The following CDH10 variants were observed in gnomAD, a reference collection of about 807,000 sequenced individuals.
CDH10 encodes the protein cadherin 10, also known as cadherin-10.
In CDH10, 30 loss-of-function variants were observed where a neutral mutation model predicts 73.1. That is an observed-to-expected ratio of 0.41 (90% CI 0.31 to 0.56). The LOEUF (loss-of-function observed/expected upper bound fraction) is 0.56. Ranked by LOEUF, CDH10 falls within the 20% of genes least tolerant of loss-of-function variation. The pLI, the probability that CDH10 is intolerant of heterozygous loss-of-function variation, is 0.27. For synonymous variants in CDH10, 345 were observed against 348.2 expected (o/e 0.99, Z 0.10); for missense variants, 815 against 973.7 (o/e 0.84, Z 2.17).
intron 2 of CDH10, among the ~76,000 whole-genome samples, chr5:24,567,163 C>A (rs1745192658): frequency 4.0e-5 from 6 of 151,756 alleles, no homozygotes; most frequent in Admixed American, 2.0e-4. Flanking sequence ...TATTATATAC[C>A]TTTTAGAATG....
At chr5:24,537,773 C>T (rs567051413) in intron 2 of CDH10, 99 bp from the exon 3 acceptor site, 66 of 690,282 alleles carry the variant, frequency 9.6e-5, no homozygotes, top group African/African-American at 4.3e-4. Flanking sequence ...CACTGAGCAA[C>T]GGGGTCGGCT....
At chr5:24,495,566 T>C (rs1742242628) in intron 9 of CDH10, among the ~76,000 whole-genome samples, 1 of 152,082 alleles carries the variant, frequency 6.6e-6, no homozygotes, top group Non-Finnish European at 1.5e-5. Flanking sequence ...TGCACCCTTT[T>C]GGCCAGGCGC....
At chr5:24,545,439 C>A (rs1165019437) in intron 2 of CDH10, among the ~76,000 whole-genome samples, 1 of 152,280 alleles carries the variant, frequency 6.6e-6, no homozygotes, top group African/African-American at 2.4e-5. Context: ...ATCTGAGAAT[C>A]ATTCTTTCCT....
chr5:24,601,959 A>G lies in CDH10; in HGVS notation c.-123-8346T>C, dbSNP rs540786249. Reference sequence around the variant, plus strand: ...ACTAAATCACAGTTTGCAGTTTTTCATGCAGTAGGTTTTATGACCACCCAC... The same window carrying G: ...ACTAAATCACAGTTTGCAGTTTTTCGTGCAGTAGGTTTTATGACCACCCAC... On this transcript the variant is annotated intron_variant, in intron 1 of 11. Transcript: ENST00000264463. Among the ~76,000 whole-genome samples, 7 of 152,230 alleles carry G rather than the reference A, an allele frequency of 4.6e-5. No homozygotes were observed. The East Asian group carries it at 1.2e-3, about 25-fold the overall frequency.
At chr5:24,540,015 C>A (rs1388202558) in intron 2 of CDH10, among the ~76,000 whole-genome samples, 1 of 151,920 alleles carries the variant, frequency 6.6e-6, no homozygotes, top group African/African-American at 2.4e-5. Context: ...TCTATGCATT[C>A]AATAATTTTA....
At position 24,521,174 on chromosome 5, in the gene CDH10, G is replaced by A. The variant is rs557687775; in HGVS notation, c.815-9660C>T. 2.6e-5 allele frequency among the ~76,000 whole-genome samples: 4 copies of A among 152,224 alleles called. No individual in the cohort carries two copies. In the East Asian group the frequency reaches 5.8e-4, roughly 22 times the overall value. Reference sequence around the variant, plus strand: ...AACAAAACAACCTCTAGCTGAATCCGATCAACAAAACGGCTAATGTTGGAG... The same window carrying A: ...AACAAAACAACCTCTAGCTGAATCCAATCAACAAAACGGCTAATGTTGGAG... On this transcript the variant is annotated intron_variant, in intron 5 of 11. Transcript: ENST00000264463.
At chr5:24,641,226 TGA>T (rs897642621) in intron 1 of CDH10, among the ~76,000 whole-genome samples, 3 of 151,926 alleles carry the variant, frequency 2.0e-5, no homozygotes, top group African/African-American at 7.2e-5. Flanking sequence ...TCAAGTGAGG[TGA>T]GACTGCTCTA....
intron 1 of CDH10, among the ~76,000 whole-genome samples, chr5:24,621,405 G>A (rs2112169170): frequency 6.6e-6 from 1 of 152,264 alleles, no homozygotes; most frequent in Non-Finnish European, 1.5e-5. Flanking sequence ...CATTTTAGTG[G>A]AAAGATTCAG....
intron 11 of CDH10, among the ~76,000 whole-genome samples, 182 bp from the exon 12 acceptor site, chr5:24,488,335 G>A (rs571230998): frequency 1.3e-5 from 2 of 152,240 alleles, no homozygotes; most frequent in African/African-American, 4.8e-5. Flanking sequence ...GGTTTAGCAA[G>A]GGTGGGTGGT....
At chr5:24,556,082 A>G (rs1334721169) in intron 2 of CDH10, among the ~76,000 whole-genome samples, 1 of 152,180 alleles carries the variant, frequency 6.6e-6, no homozygotes, top group African/African-American at 2.4e-5. Flanking sequence ...GAAGAAACTT[A>G]AAACAAAAAT....
At chr5:24,641,227 G>A (rs1205459415) in intron 1 of CDH10, among the ~76,000 whole-genome samples, 7 of 151,902 alleles carry the variant, frequency 4.6e-5, no homozygotes, top group Non-Finnish European at 8.8e-5. Context: ...CAAGTGAGGT[G>A]AGACTGCTCT....
Position 24,551,427 on chromosome 5 carries a change from G to C in CDH10, c.232-13753C>G, listed in dbSNP as rs79223382. 4.6e-3 allele frequency among the ~76,000 whole-genome samples: 700 copies of C among 151,730 alleles called. 6 individuals carry two copies. Among genetic ancestry groups the C allele is most frequent in the African/African-American group, 0.016 (678 of 41,378 alleles). On this transcript the variant is annotated intron_variant, in intron 2 of 11. Coordinates refer to ENST00000264463, the MANE Select transcript of CDH10 (RefSeq NM_006727.5). ...AAGTTTGAGGTATTTTTTTAACATT[G>C]GTAACAGTTCATTTTGTACTAGAGA...
At chr5:24,613,291 G>A (rs1048601435) in intron 1 of CDH10, 4 of 151,988 alleles carry the variant, frequency 2.6e-5, no homozygotes, top group African/African-American at 9.7e-5. Flanking sequence ...GAAAAACAAT[G>A]CATACGTATT....
Position 24,537,607 on chromosome 5 carries a change from G to C in CDH10, c.299C>G (p.Thr100Ser), listed in dbSNP as rs758727580. ...KYILSGDGAG[T>S]LFIIDEKTGD... ...TGTTTTTTCATCAATAATAAAAAGAGTACCAGCTCCATCTCCAGATAAGAT... is the reference window on the plus strand; with the variant it reads ...TGTTTTTTCATCAATAATAAAAAGACTACCAGCTCCATCTCCAGATAAGAT... Residue 100 changes from threonine (T) to serine (S), a missense_variant, in exon 3 of 12, where the codon ACT (threonine) becomes AGT (serine). Physicochemically the swap from Thr to Ser is moderately conservative, Grantham distance 58. This residue lies in a region of CDH10 where 516 missense variants were observed against 636.6 expected (regional missense o/e 0.81). Coordinates refer to ENST00000264463, the MANE Select transcript of CDH10 (RefSeq NM_006727.5). 6.2e-7 allele frequency: 1 copy of C among 1,605,694 alleles called. No individual in the cohort carries two copies. Among genetic ancestry groups the C allele is most frequent in the Non-Finnish European group, 8.5e-7 (1 of 1,172,820 alleles).
Position 24,617,209 on chromosome 5 carries a change from C to T in CDH10, c.-123-23596G>A, listed in dbSNP as rs1230261503. ...TAGCAGCATCCCCAGCCTCTACCTA[C>T]ACCATGCCAGTAGCAATGCACCCCT... On this transcript the variant is annotated intron_variant, in intron 1 of 11. Transcript: ENST00000264463. 2.6e-5 allele frequency among the ~76,000 whole-genome samples: 4 copies of T among 152,216 alleles called. No homozygotes were observed. The East Asian group carries it at 7.8e-4, about 30-fold the overall frequency.
intron 2 of CDH10, among the ~76,000 whole-genome samples, chr5:24,570,210 T>C (rs917018190): frequency 6.6e-5 from 10 of 152,180 alleles, no homozygotes; most frequent in African/African-American, 2.4e-4. Flanking sequence ...TCTATTCAAC[T>C]TTGTTTTAAC....
chr5:24,561,519 A>G (rs189612659), intron 2 of CDH10, among the ~76,000 whole-genome samples: 153 of 152,130 alleles, frequency 1.0e-3, no homozygotes, highest in Non-Finnish European at 2.0e-3. Flanking sequence ...ATCGTTCGCG[A>G]CCCTACTGCA....
intron 11 of CDH10, among the ~76,000 whole-genome samples, chr5:24,489,601 A>G (rs1052629774): frequency 6.6e-6 from 1 of 152,128 alleles, no homozygotes; most frequent in Non-Finnish European, 1.5e-5. Context: ...ACTTATTACA[A>G]TTCGCTCCAA....
At chr5:24,617,103 T>G (rs1054451191) in intron 1 of CDH10, among the ~76,000 whole-genome samples, 3 of 151,992 alleles carry the variant, frequency 2.0e-5, no homozygotes, top group African/African-American at 7.3e-5. Flanking sequence ...TATATCAGAG[T>G]TTATCAAGAG....
Sources: allele counts gnomAD v4.1 joint callset (sites outside exome capture counted in the v4.1 genomes callset), GRCh38; gene constraint gnomAD v4.1.1; regional missense constraint gnomAD v4.1.1; transcripts MANE v1.5; gene names NCBI Gene and HGNC (gene_info 2026-07-23, HGNC 2026-07-21).